Variants in DNAH17 observed in about 807,000 individuals in gnomAD.
DNAH17 encodes dynein axonemal heavy chain 17.
A neutral mutation model predicts 485.6 loss-of-function variants in DNAH17; 376 were observed. The observed-to-expected ratio is 0.77, with a 90% confidence interval of 0.71 to 0.84. DNAH17 has a LOEUF of 0.84. Ranked by LOEUF, DNAH17 falls within the 40% of genes least tolerant of loss-of-function variation. The probability of loss-of-function intolerance (pLI) is 0.00; values close to 1 mark genes in which losing one functional copy is unlikely to be tolerated. For missense variants in DNAH17, 6,370 were observed against 5,839.3 expected (o/e 1.09, Z -2.96); for synonymous variants, 3,031 against 2,405.9 (o/e 1.26, Z -7.60).
chr17:78,518,180 C>G (rs1405847286), intron 25 of DNAH17, among the ~76,000 whole-genome samples: 11 of 152,042 alleles, frequency 7.2e-5, no homozygotes, highest in Admixed American at 5.9e-4. Flanking sequence ...CTAAACAGAT[C>G]AATTAAAAGC....
chr17:78,562,819 C>T (rs962416442), intron 11 of DNAH17, among the ~76,000 whole-genome samples: 6 of 152,216 alleles, frequency 3.9e-5, no homozygotes, highest in East Asian at 1.9e-4. Flanking sequence ...AAATGTGTTT[C>T]GCTCTGAGAA....
At position 78,434,233 on chromosome 17, in the gene DNAH17, C is replaced by T. The variant is rs780457717; in HGVS notation, c.12034-13G>A. ...TCTCCAGGGTGTCCTGTGGGGCACA[C>T]GCTCCGGTCAGGTATTAGGGAGAGG... On this transcript the variant is annotated splice_polypyrimidine_tract_variant and intron_variant, in intron 74 of 80. Transcript: ENST00000389840. The T allele has an allele frequency of 6.3e-6, 10 of 1,595,610 alleles. No individual in the cohort carries two copies. Among genetic ancestry groups the T allele is most frequent in the East Asian group, 4.5e-5 (2 of 44,476 alleles).
chr17:78,424,516 C>T (rs1016420147), intron 80 of DNAH17: 8 of 260,754 alleles, frequency 3.1e-5, no homozygotes, highest in African/African-American at 1.7e-4. Flanking sequence ...AATGTCTGCC[C>T]TATGTGTACA....
chr17:78,451,354 G>C, intron 66 of DNAH17, 115 bp downstream of exon 66: 1 of 954,890 alleles, frequency 1.0e-6, no homozygotes, highest in Non-Finnish European at 1.6e-6. Flanking sequence ...CACCTTCAGA[G>C]AGAAGCAACG....
Position 78,532,655 on chromosome 17 carries a change from C to G in DNAH17, c.2941G>C (p.Glu981Gln). 1 of 1,595,804 alleles carries G rather than the reference C, an allele frequency of 6.3e-7. No individual in the cohort carries two copies. Among genetic ancestry groups the G allele is most frequent in the Non-Finnish European group, 8.5e-7 (1 of 1,170,430 alleles). The stretch of plus-strand genomic sequence containing the variant: ...CTCTCAAAGGAATCCTGGTACTCCT[C>G]GGCCTCCTTCATGGCATTGATGACC... ...SLVINAMKEA[E>Q]EYQDSFERYS... is the part of the protein sequence containing the mutation. Residue 981 changes from glutamate (E) to glutamine (Q), a missense_variant, in exon 20 of 81, where the codon GAG (glutamate) becomes CAG (glutamine). Glu to Gln is a conservative substitution (Grantham distance 29). Coordinates refer to ENST00000389840, the MANE Select transcript of DNAH17 (RefSeq NM_173628.4).
chr17:78,535,532 G>A (rs7217236), intron 19 of DNAH17, among the ~76,000 whole-genome samples: 91,115 of 151,972 alleles, frequency 0.6, 27,595 homozygotes, highest in African/African-American at 0.65. Context: ...AAGCACACGC[G>A]TACACACACG....
intron 13 of DNAH17, among the ~76,000 whole-genome samples, chr17:78,560,488 CCA>C (rs940473654): frequency 1.3e-5 from 2 of 151,738 alleles, no homozygotes; most frequent in African/African-American, 4.8e-5. Flanking sequence ...TTCCCCCCCC[CCA>C]GTTTCAAATT....
At chr17:78,549,629 C>G (rs1160081108) in intron 16 of DNAH17, among the ~76,000 whole-genome samples, 3 of 152,156 alleles carry the variant, frequency 2.0e-5, no homozygotes, top group Non-Finnish European at 4.4e-5. Flanking sequence ...TGCAAACAAG[C>G]TAGCTCAGGT....
rs1419970172 is a variant in DNAH17, at chr17:78,555,369, G to A, written c.2179-2564C>T. Among the ~76,000 whole-genome samples, 7 of 152,032 alleles carry A rather than the reference G, an allele frequency of 4.6e-5. No homozygotes were observed. In the East Asian group the frequency reaches 5.8e-4, roughly 13 times the overall value. Reference sequence around the variant, plus strand: ...AGTGTGCTCGTGACTAAATCATGGTGCTCCTACCATACCTGGAGTCCAAGG... The same window carrying A: ...AGTGTGCTCGTGACTAAATCATGGTACTCCTACCATACCTGGAGTCCAAGG... On this transcript the variant is annotated intron_variant, in intron 14 of 80. Coordinates refer to ENST00000389840, the MANE Select transcript of DNAH17 (RefSeq NM_173628.4).
At position 78,570,379 on chromosome 17, in the gene DNAH17, G is replaced by C; in HGVS notation, c.919-7C>G. 6.2e-7 allele frequency: 1 copy of C among 1,609,422 alleles called. No individual in the cohort carries two copies. ...TGGCAATGAAGGTGGGGAGCTGGGG[G>C]GAGACAGGCCCAGGCACACTGGAGG... On this transcript the variant is annotated splice_region_variant and splice_polypyrimidine_tract_variant and intron_variant, in intron 6 of 80. Transcript: ENST00000389840.
At chr17:78,465,220 A>C (rs553619543) in intron 56 of DNAH17, among the ~76,000 whole-genome samples, 16 of 152,226 alleles carry the variant, frequency 1.1e-4, no homozygotes, top group African/African-American at 3.6e-4. Context: ...ACGGAGTCTC[A>C]TTCACTCAGT....
In DNAH17 at chr17:78,424,014, G is replaced by C; in HGVS notation, c.13281C>G (p.Tyr4427Ter). ...AGGTGGGGCCGCGGATGCGTGTTTT[G>C]TACACGGGACACTCATAGATGTTCT... ...ETKNIYECPV[Y>*]KTRIRGPTYV... Residue 4427 changes from tyrosine to a stop codon, truncating the protein, a stop_gained, in exon 81 of 81, where the codon TAC becomes TAG. Transcript: ENST00000389840. LOFTEE classifies it high-confidence loss of function. 6.2e-7 allele frequency: 1 copy of C among 1,614,040 alleles called. No individual in the cohort carries two copies. Among genetic ancestry groups the C allele is most frequent in the Non-Finnish European group, 8.5e-7 (1 of 1,179,890 alleles).
rs60587420 is a variant in DNAH17, at chr17:78,553,283, GTT to G, written c.2179-480_2179-479del. ...AAATTACCCAGTCCCAGGTTTTTGT[GTT>G]TTTTTTTTTTTTTTTTTTTTTTTTT... On this transcript the variant is annotated intron_variant, in intron 14 of 80. Coordinates refer to ENST00000389840, the MANE Select transcript of DNAH17 (RefSeq NM_173628.4). 1.4e-3 allele frequency among the ~76,000 whole-genome samples: 73 copies of G among 51,024 alleles called. 1 individual carries two copies. Among genetic ancestry groups the G allele is most frequent in the East Asian group, 4.0e-3 (6 of 1,500 alleles). 33.5% of individuals were successfully genotyped at this position (51,024 alleles called of 152,430 possible).
intron 13 of DNAH17, among the ~76,000 whole-genome samples, chr17:78,559,488 A>G (rs2092104179): frequency 6.6e-6 from 1 of 152,084 alleles, no homozygotes; most frequent in Non-Finnish European, 1.5e-5. Context: ...CACTATATTC[A>G]AGTCCAGAAG....
intron 56 of DNAH17, 84 bp downstream of exon 56, chr17:78,466,571 C>G (rs1276515932): frequency 7.2e-7 from 1 of 1,388,324 alleles, no homozygotes; most frequent in South Asian, 1.7e-5. Flanking sequence ...ATCCCAGCGC[C>G]CTTTTCTCCC....
chr17:78,512,770 C>G (rs990117022), intron 26 of DNAH17, among the ~76,000 whole-genome samples: 5 of 151,964 alleles, frequency 3.3e-5, no homozygotes, highest in Non-Finnish European at 7.4e-5. Context: ...GAAACCCTGT[C>G]TCTACTAAAA....
rs1429862452 is a variant in DNAH17, at chr17:78,492,777, G to A, written c.6409-12C>T. The A allele has an allele frequency of 1.9e-6, 3 of 1,609,364 alleles. No individual in the cohort carries two copies. Among genetic ancestry groups the A allele is most frequent in the Non-Finnish European group, 1.7e-6 (2 of 1,177,856 alleles). ...AGGGATTTGAGGACCTGGCGAAGGT[G>A]GGGGTCACTCACGTGTGACTCCATG... is the stretch of plus-strand genomic sequence containing the variant. On this transcript the variant is annotated splice_polypyrimidine_tract_variant and intron_variant, in intron 41 of 80. Coordinates refer to ENST00000389840, the MANE Select transcript of DNAH17 (RefSeq NM_173628.4).
chr17:78,459,278 G>A lies in DNAH17; in HGVS notation c.9654-70C>T, dbSNP rs1037713518. On this transcript the variant is annotated intron_variant, in intron 60 of 80. Coordinates refer to ENST00000389840, the MANE Select transcript of DNAH17 (RefSeq NM_173628.4). ...CTGGCAAAACGGGCCCAGAGAAGCTGAGTGTCTTGCCCAGGGTGGCACAGC... is the reference window on the plus strand; with the variant it reads ...CTGGCAAAACGGGCCCAGAGAAGCTAAGTGTCTTGCCCAGGGTGGCACAGC... 4.1e-6 allele frequency: 6 copies of A among 1,458,894 alleles called. No individual in the cohort carries two copies. In the East Asian group the frequency reaches 1.4e-4, roughly 33 times the overall value. 90.4% of individuals were successfully genotyped at this position (1,458,894 alleles called of 1,614,324 possible).
At chr17:78,459,577 C>A (rs1029382050) in intron 60 of DNAH17, among the ~76,000 whole-genome samples, 1 of 152,208 alleles carries the variant, frequency 6.6e-6, no homozygotes, top group African/African-American at 2.4e-5. Flanking sequence ...TGGGGCCTGG[C>A]TGGCCTCTCT....
Sources: gnomAD v4.1 joint callset for allele counts (sites outside exome capture counted in the v4.1 genomes callset) on GRCh38, gnomAD v4.1.1 for gene constraint, MANE v1.5 for transcripts, NCBI Gene and HGNC (gene_info 2026-07-23, HGNC 2026-07-21) for gene names.